The following EYS variants were observed in gnomAD, a reference collection of about 807,000 sequenced individuals.
EYS encodes the protein protein eyes shut homolog.
In EYS, 250 loss-of-function variants were observed where a neutral mutation model predicts 282.1. The observed-to-expected ratio is 0.89, with a 90% CI of 0.80 to 0.98. The LOEUF (loss-of-function observed/expected upper bound fraction) is 0.98, where lower values mean the gene tolerates loss of function less well. Among genes scored for constraint, EYS ranks in the 50% least tolerant of loss-of-function variants. The pLI is 0.00. For missense variants in EYS, 4,016 were observed against 3,709.0 expected (o/e 1.08, Z -2.15); for synonymous variants, 1,355 against 1,282.9 (o/e 1.06, Z -1.20).
intron 2 of EYS, among the ~76,000 whole-genome samples, chr6:65,504,439 T>C (rs1766577188): frequency 6.6e-6 from 1 of 151,750 alleles, no homozygotes. Context: ...TTTCCTAGTG[T>C]TGAATAGCAG....
chr6:64,285,488 G>C (rs920762037), intron 30 of EYS, among the ~76,000 whole-genome samples: 1 of 152,170 alleles, frequency 6.6e-6, no homozygotes, highest in Admixed American at 6.5e-5. Context: ...CAGTATTTTT[G>C]TCAAAGCCAT....
chr6:65,072,977 T>G (rs1773944351), intron 12 of EYS, among the ~76,000 whole-genome samples: 1 of 151,414 alleles, frequency 6.6e-6, no homozygotes, highest in Non-Finnish European at 1.5e-5. Flanking sequence ...TTAATGTTTT[T>G]TATGAACAAA....
intron 32 of EYS, among the ~76,000 whole-genome samples, chr6:64,076,446 C>A (rs1771773302): frequency 6.6e-6 from 1 of 151,858 alleles, no homozygotes; most frequent in Non-Finnish European, 1.5e-5. Flanking sequence ...TGTGTCCCTA[C>A]CCAAATTTGA....
intron 33 of EYS, among the ~76,000 whole-genome samples, chr6:64,027,943 G>A (rs952844083): frequency 2.0e-5 from 3 of 152,184 alleles, no homozygotes; most frequent in African/African-American, 7.2e-5. Context: ...TTAATCTCCT[G>A]TCCTGGACGA....
In EYS at chr6:64,358,669, G is replaced by A. The variant is rs184564514; in HGVS notation, c.6078+30021C>T. ...AAAACCAAGTCACACGGTTTATGGC[G>A]TATGGCAAATATACATGCAGATAGG... On this transcript the variant is annotated intron_variant, in intron 29 of 42. Transcript: ENST00000503581. Among the ~76,000 whole-genome samples, 8 of 151,586 alleles carry A rather than the reference G, an allele frequency of 5.3e-5. No individual in the cohort carries two copies. The East Asian group carries it at 7.8e-4, about 15-fold the overall frequency.
intron 12 of EYS, among the ~76,000 whole-genome samples, chr6:65,128,777 C>T (rs1181191908): frequency 1.3e-5 from 2 of 151,942 alleles, no homozygotes; most frequent in Non-Finnish European, 2.9e-5. Context: ...TTCTACCATA[C>T]TAACAACTTG....
At chr6:65,288,383 T>C (rs574730734) in intron 12 of EYS, among the ~76,000 whole-genome samples, 3 of 150,474 alleles carry the variant, frequency 2.0e-5, no homozygotes, top group African/African-American at 7.3e-5. Flanking sequence ...TAAAAAAATA[T>C]AGGAATGGAC....
intron 12 of EYS, among the ~76,000 whole-genome samples, chr6:65,119,880 G>T (rs1307512383): frequency 6.6e-6 from 1 of 151,014 alleles, no homozygotes; most frequent in Non-Finnish European, 1.5e-5. Context: ...AACAAAGCCT[G>T]TAATTCTAGC....
At chr6:64,506,342 TA>T (rs911010850) in intron 26 of EYS, among the ~76,000 whole-genome samples, 11 of 152,026 alleles carry the variant, frequency 7.2e-5, no homozygotes, top group Non-Finnish European at 1.2e-4. Context: ...AAGTTAAATT[TA>T]AAAAAAAGTT....
intron 35 of EYS, among the ~76,000 whole-genome samples, chr6:63,965,641 C>T (rs962678362): frequency 3.9e-5 from 6 of 152,048 alleles, no homozygotes; most frequent in South Asian, 4.1e-4. Flanking sequence ...TTCTAACTTG[C>T]GTAAATGATT....
intron 30 of EYS, among the ~76,000 whole-genome samples, chr6:64,281,438 A>G (rs1768306534): frequency 6.6e-6 from 1 of 152,150 alleles, no homozygotes; most frequent in Non-Finnish European, 1.5e-5. Context: ...TTAAACTATT[A>G]TATGTGGATT....
intron 2 of EYS, among the ~76,000 whole-genome samples, chr6:65,639,196 G>C (rs1433090065): frequency 6.6e-6 from 1 of 152,090 alleles, no homozygotes; most frequent in Non-Finnish European, 1.5e-5. Flanking sequence ...GTATGATTAA[G>C]ATAATATCAA....
At chr6:64,078,079 G>A (rs1435908401) in intron 32 of EYS, among the ~76,000 whole-genome samples, 2 of 151,938 alleles carry the variant, frequency 1.3e-5, no homozygotes, top group African/African-American at 4.8e-5. Flanking sequence ...CAAAATAAAT[G>A]TGCAGTTTTG....
chr6:64,972,260 T>C (rs1770320578), intron 14 of EYS, among the ~76,000 whole-genome samples: 1 of 152,178 alleles, frequency 6.6e-6, no homozygotes, highest in African/African-American at 2.4e-5. Flanking sequence ...TTTTGATTTC[T>C]TTTAGGACAT....
rs562959861 is a variant in EYS, at chr6:63,864,444, A to G, written c.7056-86T>C. The G allele has an allele frequency of 1.0e-4, 89 of 868,758 alleles. 2 individuals carry two copies. The South Asian group carries it at 2.1e-3, about 21-fold the overall frequency. The allele number at this position is 868,758 out of a possible 1,614,324, so 53.8% of individuals were successfully genotyped here. On this transcript the variant is annotated intron_variant, in intron 35 of 42. Transcript: ENST00000503581. ...CACATATATACACATGCATGAACAC[A>G]TATGCAAATAAAATTATAATTGCAT... is the stretch of plus-strand genomic sequence containing the variant.
At chr6:64,841,788 C>T (rs1562220418) in intron 19 of EYS, among the ~76,000 whole-genome samples, 5 of 152,092 alleles carry the variant, frequency 3.3e-5, no homozygotes, top group Admixed American at 3.3e-4. Context: ...AGAAAGAAAA[C>T]TGTGAATCAG....
rs1024731403 is a variant in EYS at position 63,721,554 on chromosome 6, A to G, written c.8477T>C (p.Val2826Ala). ...GGGATTTACAAGATTTAAAGAAGAT[A>G]CTCCTCCAATATAGAAGTCTGTATT... The part of the protein sequence containing the change: ...DTNTDFYIGG[V>A]SSLNLVNPMA... The change falls in exon 43 of 43, where the codon GTA becomes GCA. Residue 2826 changes from valine to alanine, a missense_variant. Val to Ala is a moderately conservative substitution (Grantham distance 64, BLOSUM62 0). Coordinates refer to ENST00000503581, the MANE Select transcript of EYS (RefSeq NM_001142800.2). The G allele has an allele frequency of 3.2e-5, 49 of 1,551,542 alleles. No individual in the cohort carries two copies. Among genetic ancestry groups the G allele is most frequent in the Non-Finnish European group, 3.9e-5 (45 of 1,146,874 alleles).
chr6:65,082,036 C>T (rs1163653424), intron 12 of EYS, among the ~76,000 whole-genome samples: 2 of 152,034 alleles, frequency 1.3e-5, no homozygotes, highest in African/African-American at 4.8e-5. Context: ...AGTCATAAAA[C>T]TTTACAATTA....
At chr6:64,633,809 C>T (rs1398326074) in intron 22 of EYS, among the ~76,000 whole-genome samples, 1 of 152,056 alleles carries the variant, frequency 6.6e-6, no homozygotes, top group Non-Finnish European at 1.5e-5. Flanking sequence ...CCAATAGCCA[C>T]ATAAGTAAAT....
Sources: allele counts gnomAD v4.1 joint callset (sites outside exome capture counted in the v4.1 genomes callset), GRCh38; gene constraint gnomAD v4.1.1; transcripts MANE v1.5; gene names NCBI Gene and HGNC (gene_info 2026-07-23, HGNC 2026-07-21).